The following DPYSL3 variants were observed in gnomAD, a reference collection of about 807,000 sequenced individuals.
The protein encoded by DPYSL3 is dihydropyrimidinase-related protein 3.
Under a neutral mutation model 66.1 loss-of-function variants are expected in DPYSL3, and 16 were observed. That is an observed-to-expected ratio of 0.24 (90% CI 0.16 to 0.37). The LOEUF is 0.37. Among genes scored for constraint, DPYSL3 ranks in the 10% least tolerant of loss-of-function variants. DPYSL3 has a pLI of 1.00. For synonymous variants in DPYSL3, 338 were observed against 345.1 expected (o/e 0.98, Z 0.23); for missense variants, 738 against 916.2 (o/e 0.81, Z 2.51).
intron 1 of DPYSL3, among the ~76,000 whole-genome samples, chr5:147,481,741 C>T (rs561446990): frequency 6.6e-6 from 1 of 152,314 alleles, no homozygotes; most frequent in South Asian, 2.1e-4. Context: ...ATTTTTGCCT[C>T]TCTTGCCCAT....
At position 147,392,586 on chromosome 5, in the gene DPYSL3, A is replaced by G. The variant is rs931334957; in HGVS notation, c.*1449T>C. ...GAGCATCTTGGTTCTATAGATTCTT[A>G]TCTTGCTCACAGGACTTGCTCCAAA... On this transcript the variant is annotated 3_prime_UTR_variant, in exon 14 of 14. Coordinates refer to ENST00000343218, the MANE Select transcript of DPYSL3 (RefSeq NM_001197294.2). The G allele has an allele frequency of 6.6e-6, 1 of 152,248 alleles. No homozygotes were observed. Among genetic ancestry groups the G allele is most frequent in the Non-Finnish European group, 1.5e-5 (1 of 68,034 alleles). The allele number at this position is 152,248 out of a possible 1,614,324, so 9.4% of individuals were successfully genotyped here.
intron 1 of DPYSL3, among the ~76,000 whole-genome samples, chr5:147,445,796 G>T (rs969830938): frequency 5.9e-5 from 9 of 152,040 alleles, no homozygotes; most frequent in African/African-American, 2.2e-4. Context: ...CTTATCAATA[G>T]TAGCCTTATC....
chr5:147,439,994 T>C (rs1357721029), intron 1 of DPYSL3, among the ~76,000 whole-genome samples: 1 of 152,184 alleles, frequency 6.6e-6, no homozygotes, highest in Non-Finnish European at 1.5e-5. Flanking sequence ...AAGTGCTTCA[T>C]AGTTCCCATA....
intron 8 of DPYSL3, among the ~76,000 whole-genome samples, chr5:147,405,070 C>T (rs1053880429): frequency 6.6e-6 from 1 of 152,170 alleles, no homozygotes; most frequent in African/African-American, 2.4e-5. Context: ...ACAACAGGGG[C>T]CTCTCAGCAT....
chr5:147,449,955 T>C (rs928870527), intron 1 of DPYSL3, among the ~76,000 whole-genome samples: 1 of 152,210 alleles, frequency 6.6e-6, no homozygotes, highest in African/African-American at 2.4e-5. Context: ...GTTGTGGGAT[T>C]TGTTGACAGT....
chr5:147,470,065 G>A (rs917598214), intron 1 of DPYSL3, among the ~76,000 whole-genome samples: 3 of 152,172 alleles, frequency 2.0e-5, no homozygotes, highest in African/African-American at 7.2e-5. Context: ...TGATACTGAT[G>A]AGGAGTTGTA....
Position 147,430,409 on chromosome 5 carries a change from T to C in DPYSL3, c.382-5446A>G, listed in dbSNP as rs1029511517. 2.2e-5 allele frequency among the ~76,000 whole-genome samples: 3 copies of C among 136,654 alleles called. No homozygotes were observed. In the East Asian group the frequency reaches 6.5e-4, roughly 30 times the overall value. The allele number at this position is 136,654 out of a possible 152,430, so 89.7% of individuals were successfully genotyped here. ...TCTGTAATCCCAGCTACTTGGGAGG[T>C]TGAGGCAGGAGAATCACTTGAACCT... On this transcript the variant is annotated intron_variant, in intron 1 of 13. Coordinates refer to ENST00000343218, the MANE Select transcript of DPYSL3 (RefSeq NM_001197294.2).
intron 1 of DPYSL3, among the ~76,000 whole-genome samples, chr5:147,479,655 G>T (rs559525711): frequency 3.8e-4 from 58 of 152,102 alleles, no homozygotes; most frequent in Non-Finnish European, 7.8e-4. Context: ...TCTCTGGGGA[G>T]AAAGTTCCCA....
intron 1 of DPYSL3, among the ~76,000 whole-genome samples, chr5:147,441,856 A>G (rs1217959276): frequency 6.6e-6 from 1 of 152,212 alleles, no homozygotes; most frequent in African/African-American, 2.4e-5. Context: ...CATGCAATGA[A>G]GTAAGTGAAA....
intron 2 of DPYSL3, among the ~76,000 whole-genome samples, chr5:147,420,218 TG>T (rs1752051364): frequency 6.6e-6 from 1 of 152,200 alleles, no homozygotes; most frequent in African/African-American, 2.4e-5. Flanking sequence ...TACCTTACCA[TG>T]CTTCAATTCT....
At chr5:147,415,577 C>G (rs1751947468) in intron 4 of DPYSL3, 132 bp downstream of exon 4, 10 of 1,051,352 alleles carry the variant, frequency 9.5e-6, no homozygotes, top group Admixed American at 2.2e-5. Flanking sequence ...ATTGTGTTAT[C>G]CCTACATCCA....
At chr5:147,502,217 C>T (rs565750473) in intron 1 of DPYSL3, among the ~76,000 whole-genome samples, 8 of 152,172 alleles carry the variant, frequency 5.3e-5, no homozygotes, top group African/African-American at 1.4e-4. Context: ...GAGGGCACCA[C>T]GCTCATGACC....
rs371820573 is a variant in DPYSL3, at chr5:147,505,969, TC to T, written c.381+3508del. ...GAAAAATCAGATTGTGAATTCTGGC[TC>T]CCCCCACTTATTATTTATGTGATTT... On this transcript the variant is annotated intron_variant, in intron 1 of 13. Coordinates refer to ENST00000343218, the MANE Select transcript of DPYSL3 (RefSeq NM_001197294.2). Among the ~76,000 whole-genome samples the T allele has an allele frequency of 5.3e-4, 81 of 152,248 alleles. 2 individuals carry two copies. In the East Asian group the frequency reaches 6.4e-3, roughly 12 times the overall value.
intron 1 of DPYSL3, among the ~76,000 whole-genome samples, chr5:147,486,761 CACTG>C (rs1280840793): frequency 6.6e-6 from 1 of 152,166 alleles, no homozygotes; most frequent in African/African-American, 2.4e-5. Context: ...AATGGAGAGC[CACTG>C]ACTATCAGTG....
intron 12 of DPYSL3, among the ~76,000 whole-genome samples, chr5:147,396,477 G>T (rs1019148206): frequency 3.3e-5 from 5 of 152,178 alleles, no homozygotes; most frequent in Non-Finnish European, 5.9e-5. Context: ...CTTAACTTTG[G>T]CCAGAGGGGA....
chr5:147,429,336 C>A (rs1158849704), intron 1 of DPYSL3, among the ~76,000 whole-genome samples: 1 of 152,068 alleles, frequency 6.6e-6, no homozygotes, highest in Non-Finnish European at 1.5e-5. Context: ...CTAGGTTTTG[C>A]CACTGCTGGG....
chr5:147,497,862 T>G (rs931877521), intron 1 of DPYSL3, among the ~76,000 whole-genome samples: 1 of 152,136 alleles, frequency 6.6e-6, no homozygotes, highest in Non-Finnish European at 1.5e-5. Flanking sequence ...GACACACTTT[T>G]TCACCACAAC....
At chr5:147,503,318 T>C (rs996884495) in intron 1 of DPYSL3, among the ~76,000 whole-genome samples, 2 of 152,210 alleles carry the variant, frequency 1.3e-5, no homozygotes, top group African/African-American at 4.8e-5. Context: ...TCATAAGATG[T>C]TTTCTTTTTA....
intron 1 of DPYSL3, among the ~76,000 whole-genome samples, chr5:147,435,183 G>A (rs1752394022): frequency 6.6e-6 from 1 of 152,204 alleles, no homozygotes; most frequent in Admixed American, 6.5e-5. Context: ...ATCCACAGAG[G>A]CCTTGCCTAA....
Sources: allele counts gnomAD v4.1 joint callset (sites outside exome capture counted in the v4.1 genomes callset), GRCh38; gene constraint gnomAD v4.1.1; transcripts MANE v1.5; gene names NCBI Gene and HGNC (gene_info 2026-07-23, HGNC 2026-07-21).